Variants in LRP1B observed in about 807,000 individuals in gnomAD.
LRP1B encodes the protein LDL receptor related protein 1B.
A neutral mutation model predicts 556.6 loss-of-function variants in LRP1B; 217 were observed. The observed-to-expected ratio is 0.39, with a 90% CI of 0.35 to 0.44. The LOEUF (loss-of-function observed/expected upper bound fraction) is 0.44, where lower values mean the gene tolerates loss of function less well. LRP1B is among the 20% of genes least tolerant of loss of function. The pLI, the probability that LRP1B is intolerant of heterozygous loss-of-function variation, is 1.00. For missense variants in LRP1B, 5,053 were observed against 5,620.8 expected, an observed-to-expected ratio of 0.90 and a Z score of 3.23; for synonymous variants, 2,047 against 1,865.8, an observed-to-expected ratio of 1.10 and a Z score of -2.50.
At chr2:141,195,222 G>A (rs1476246590) in intron 6 of LRP1B, among the ~76,000 whole-genome samples, 7 of 152,014 alleles carry the variant, frequency 4.6e-5, no homozygotes, top group African/African-American at 1.4e-4. Flanking sequence ...TGCTATGAGG[G>A]CACTCAAGCA....
chr2:141,325,809 T>C (rs1324092600), intron 3 of LRP1B, among the ~76,000 whole-genome samples: 2 of 151,920 alleles, frequency 1.3e-5, no homozygotes, highest in Non-Finnish European at 1.5e-5. Flanking sequence ...AAAGAAGAAA[T>C]TGTGAAGGAC....
intron 7 of LRP1B, among the ~76,000 whole-genome samples, chr2:141,130,771 A>G (rs1408081575): frequency 6.6e-6 from 1 of 152,180 alleles, no homozygotes; most frequent in East Asian, 1.9e-4. Context: ...CTTGGAACCA[A>G]CTGAAATATC....
At chr2:141,235,803 A>G (rs1346296709) in intron 5 of LRP1B, among the ~76,000 whole-genome samples, 1 of 152,180 alleles carries the variant, frequency 6.6e-6, no homozygotes, top group Non-Finnish European at 1.5e-5. Context: ...AATATTTACC[A>G]CATTTTAAGA....
intron 41 of LRP1B, among the ~76,000 whole-genome samples, chr2:140,640,893 G>T (rs1418188485): frequency 1.3e-5 from 2 of 152,124 alleles, no homozygotes; most frequent in African/African-American, 4.8e-5. Context: ...AACAGCTGTT[G>T]TGCAGATCTG....
At chr2:140,573,133 TAA>T (rs552609886) in intron 43 of LRP1B, among the ~76,000 whole-genome samples, 2,340 of 151,954 alleles carry the variant, frequency 0.015, 53 homozygotes, top group African/African-American at 0.053. Flanking sequence ...TCCAAATAGT[TAA>T]AAGAGTGAAT....
chr2:140,930,012 G>A (rs572636611), intron 20 of LRP1B, among the ~76,000 whole-genome samples: 10 of 151,980 alleles, frequency 6.6e-5, no homozygotes, highest in African/African-American at 9.6e-5. Context: ...ATTTTCCTCC[G>A]GATGGAGAGC....
chr2:141,090,379 AT>A (rs1424140123), intron 7 of LRP1B, among the ~76,000 whole-genome samples: 1 of 152,244 alleles, frequency 6.6e-6, no homozygotes, highest in Non-Finnish European at 1.5e-5. Flanking sequence ...TGTAAGCAGA[AT>A]AAGTTTTGTA....
At chr2:142,111,482 C>T (rs540369138) in intron 1 of LRP1B, among the ~76,000 whole-genome samples, 8 of 152,128 alleles carry the variant, frequency 5.3e-5, no homozygotes, top group Non-Finnish European at 1.2e-4. Context: ...GGAAGCAAAA[C>T]ATGATCATGG....
intron 52 of LRP1B, 53 bp downstream of exon 52, chr2:140,509,875 C>T (rs1689578938): frequency 6.3e-7 from 1 of 1,579,746 alleles, no homozygotes; most frequent in Non-Finnish European, 8.6e-7. Context: ...AACAAATAAC[C>T]AAGGATGCTG....
At chr2:140,326,958 TAAGA>T (rs1428024208) in intron 79 of LRP1B, among the ~76,000 whole-genome samples, 1 of 152,150 alleles carries the variant, frequency 6.6e-6, no homozygotes, top group Non-Finnish European at 1.5e-5. Context: ...AGAGAATATC[TAAGA>T]AAGTAAACTT....
chr2:140,672,482 T>TAAAAAAAAAAAAAAAAAAAAAAAAAAAAA (rs55884730), intron 41 of LRP1B, among the ~76,000 whole-genome samples: 1 of 81,580 alleles, frequency 1.2e-5, no homozygotes, highest in African/African-American at 5.5e-5. Flanking sequence ...AGACTCCATC[T>TAAAAAAAAAAAAAAAAAAAAAAAAAAAAA]AAAAAAAAAA....
rs140757969 is a variant in LRP1B at position 141,855,327 on chromosome 2, G to A, written c.83-44926C>T. 5.9e-5 allele frequency among the ~76,000 whole-genome samples: 9 copies of A among 152,214 alleles called. No individual in the cohort carries two copies. In the East Asian group the frequency reaches 1.5e-3, roughly 26 times the overall value. On this transcript the variant is annotated intron_variant, in intron 1 of 90. Transcript: ENST00000389484. Reference sequence around the variant, plus strand: ...CTCTGTTAGCCCCTTAACGGGATAAGACATTCGAATTAAGAAAATGAAATT... The same window carrying A: ...CTCTGTTAGCCCCTTAACGGGATAAAACATTCGAATTAAGAAAATGAAATT...
chr2:141,479,933 G>C (rs1337145353), intron 3 of LRP1B, among the ~76,000 whole-genome samples: 1 of 152,002 alleles, frequency 6.6e-6, no homozygotes. Context: ...TAATATCATG[G>C]AAAGATTATG....
chr2:141,385,170 G>T (rs1689784836), intron 3 of LRP1B, among the ~76,000 whole-genome samples: 2 of 152,086 alleles, frequency 1.3e-5, no homozygotes, highest in South Asian at 4.1e-4. Context: ...GATGTTAATT[G>T]TAAGCCCAAT....
chr2:141,888,790 G>T (rs1273616891), intron 1 of LRP1B, among the ~76,000 whole-genome samples: 1 of 152,158 alleles, frequency 6.6e-6, no homozygotes, highest in Non-Finnish European at 1.5e-5. Flanking sequence ...GTAGGTTGGA[G>T]GACAGGAGTG....
intron 6 of LRP1B, among the ~76,000 whole-genome samples, chr2:141,203,488 T>C (rs1682133041): frequency 6.6e-6 from 1 of 152,066 alleles, no homozygotes. Flanking sequence ...GAGCTAACTA[T>C]CCTAAATATA....
intron 6 of LRP1B, among the ~76,000 whole-genome samples, chr2:141,195,253 C>A (rs1031035849): frequency 4.6e-5 from 7 of 152,088 alleles, no homozygotes; most frequent in Non-Finnish European, 1.0e-4. Flanking sequence ...GTCTACATTG[C>A]AAGGAACTGA....
At chr2:141,315,568 T>C (rs1468597650) in intron 3 of LRP1B, among the ~76,000 whole-genome samples, 1 of 151,972 alleles carries the variant, frequency 6.6e-6, no homozygotes, top group Non-Finnish European at 1.5e-5. Flanking sequence ...CGAATGATTG[T>C]ATTTTATAAA....
intron 11 of LRP1B, among the ~76,000 whole-genome samples, chr2:141,039,667 T>A (rs527896706): frequency 6.6e-6 from 1 of 152,068 alleles, no homozygotes; most frequent in Admixed American, 6.6e-5. Context: ...TCATTACGGA[T>A]GCATATGTAC....
Sources: allele counts gnomAD v4.1 joint callset (sites outside exome capture counted in the v4.1 genomes callset), GRCh38; gene constraint gnomAD v4.1.1; transcripts MANE v1.5; gene names NCBI Gene and HGNC (gene_info 2026-07-23, HGNC 2026-07-21).